CYP3A4: variants seen among roughly 807,000 people sequenced by gnomAD.
CYP3A4 encodes the protein cytochrome P450 family 3 subfamily A member 4.
A neutral mutation model predicts 54.9 loss-of-function variants in CYP3A4; 41 were observed. The ratio of observed to expected loss-of-function variants is 0.75; its 90% CI spans 0.58 to 0.97. The LOEUF (loss-of-function observed/expected upper bound fraction) is 0.97, where lower values mean the gene tolerates loss of function less well. CYP3A4 is among the 50% of genes least tolerant of loss of function. The probability of loss-of-function intolerance (pLI) is 0.00; values close to 1 mark genes in which losing one functional copy is unlikely to be tolerated. For missense variants in CYP3A4, 510 were observed against 597.3 expected, an observed-to-expected ratio of 0.85 and a Z score of 1.52; for synonymous variants, 179 against 205.2, an observed-to-expected ratio of 0.87 and a Z score of 1.09.
chr7:99,768,094 G>A lies in CYP3A4; in HGVS notation c.670+260C>T, dbSNP rs34853336. Among the ~76,000 whole-genome samples, 113 of 152,316 alleles carry A rather than the reference G, an allele frequency of 7.4e-4. 1 individual carries two copies. The highest frequency in any genetic ancestry group is 2.6e-3 in the African/African-American group (109 of 41,578). ...AGTGTCCAGAATAGGCAAATCCATA[G>A]AAGCAGAAAGTTGATTAGTGGTTGC... On this transcript the variant is annotated intron_variant, in intron 7 of 12. Coordinates refer to ENST00000651514, the MANE Select transcript of CYP3A4 (RefSeq NM_017460.6).
chr7:99,769,480 C>G (rs1584544587), intron 6 of CYP3A4: 1 of 407,782 alleles, frequency 2.5e-6, no homozygotes, highest in Non-Finnish European at 4.6e-6. Flanking sequence ...TACAATCACA[C>G]TTTTTCCCCC....
intron 11 of CYP3A4, 124 bp downstream of exon 11, chr7:99,761,917 C>G (rs1164919111): frequency 1.1e-6 from 1 of 926,180 alleles, no homozygotes; most frequent in Non-Finnish European, 1.7e-6. Context: ...TTAAAAAAAT[C>G]TCTAAATATA....
rs146568511 is a variant in CYP3A4 at position 99,780,029 on chromosome 7, G to A, written c.128C>T (p.Pro43Leu). The A allele has an allele frequency of 1.9e-5, 31 of 1,613,558 alleles. No individual in the cohort carries two copies. The highest frequency in any genetic ancestry group is 2.4e-5 in the Non-Finnish European group (28 of 1,179,716). Residue 43 changes from proline to leucine, a missense_variant, in exon 2 of 13, where the codon CCT becomes CTT. Pro to Leu is a moderately conservative substitution (Grantham distance 98, BLOSUM62 -3). Around this residue, in one of 2 missense-constraint regions of CYP3A4, gnomAD observed 272 missense variants for 274.9 expected, o/e 0.99. Coordinates refer to ENST00000651514, the MANE Select transcript of CYP3A4 (RefSeq NM_017460.6). ...FKKLGIPGPT[P>L]LPFLGNILSY... ...CAAAATATTTCCCAAAAAAGGCAGA[G>A]GTGTGGGCCCTGGAATTCCAAGCTT...
In CYP3A4 at chr7:99,784,130, T is replaced by C. The variant is rs1194183218; in HGVS notation, c.-49A>G. ...CTCCTCTGAGTCTTCCTTTCAGCTC[T>C]GTGTTGCTCTTTGCTGGGCTATGTG... On this transcript the variant is annotated 5_prime_UTR_variant, in exon 1 of 13. Transcript: ENST00000651514. 1 of 1,554,926 alleles carries C rather than the reference T, an allele frequency of 6.4e-7. No homozygotes were observed. Among genetic ancestry groups the C allele is most frequent in the South Asian group, 1.1e-5 (1 of 89,754 alleles).
rs1195991204 is a variant in CYP3A4 at position 99,757,172 on chromosome 7, C to T, written c.*961G>A. 2 of 152,106 alleles carry T rather than the reference C, an allele frequency of 1.3e-5. No homozygotes were observed. Among genetic ancestry groups the T allele is most frequent in the Non-Finnish European group, 2.9e-5 (2 of 68,004 alleles). The allele number at this position is 152,106 out of a possible 1,614,324, so 9.4% of individuals were successfully genotyped here. A position where few individuals can be genotyped will look rare whatever the true frequency, so the allele number is the denominator to read the frequency against. On this transcript the variant is annotated 3_prime_UTR_variant, in exon 13 of 13. Transcript: ENST00000651514. ...TCTTTGTTACAAAATGTACGTGCTT[C>T]AAAAAGGCATATTTTTTTAAGACTG...
At position 99,784,157 on chromosome 7, in the gene CYP3A4, A is replaced by G; in HGVS notation, c.-76T>C. The G allele has an allele frequency of 7.2e-7, 1 of 1,390,220 alleles. No individual in the cohort carries two copies. The highest frequency in any genetic ancestry group is 1.8e-4 in the Middle Eastern group (1 of 5,608). 86.1% of individuals were successfully genotyped at this position (1,390,220 alleles called of 1,614,324 possible). A position where few individuals can be genotyped will look rare whatever the true frequency, so the allele number is the denominator to read the frequency against. On this transcript the variant is annotated 5_prime_UTR_variant, in exon 1 of 13. An upstream start codon of the reference 5' UTR is lost. Transcript: ENST00000651514. ...TGTTGCTCTTTGCTGGGCTATGTGC[A>G]TGGAGCTTTCCTGCCCTGCACAGCA...
chr7:99,759,115 T>C (rs145202723), intron 12 of CYP3A4, among the ~76,000 whole-genome samples: 2 of 152,300 alleles, frequency 1.3e-5, no homozygotes, highest in African/African-American at 2.4e-5. Flanking sequence ...TGGGCACATA[T>C]AATACAGCTA....
chr7:99,779,696 A>G (rs1385037406), intron 2 of CYP3A4, among the ~76,000 whole-genome samples: 2 of 152,220 alleles, frequency 1.3e-5, no homozygotes, highest in African/African-American at 2.4e-5. Flanking sequence ...GAACCTGCAT[A>G]GAGCAAAAAG....
At chr7:99,783,887 G>T in intron 1 of CYP3A4, 124 bp downstream of exon 1, 1 of 1,129,534 alleles carries the variant, frequency 8.9e-7, no homozygotes, top group Admixed American at 1.7e-5. Context: ...GGGATTACAG[G>T]TGTAAGCCAC....
At chr7:99,781,239 C>T (rs1451113145) in intron 1 of CYP3A4, among the ~76,000 whole-genome samples, 1 of 152,178 alleles carries the variant, frequency 6.6e-6, no homozygotes, top group Non-Finnish European at 1.5e-5. Context: ...TGAGACCTCC[C>T]TAGAGGAAGA....
rs1355522141 is a variant in CYP3A4, at chr7:99,760,935, G to C, written c.1300C>G (p.Pro434Ala). The change falls in exon 12 of 13, where the codon CCC (proline) becomes GCC (alanine). Residue 434 changes from proline (P) to alanine (A), a missense_variant. This residue lies in a region of CYP3A4 where 238 missense variants were observed against 322.5 expected (regional missense o/e 0.74). Coordinates refer to ENST00000651514, the MANE Select transcript of CYP3A4 (RefSeq NM_017460.6). ...KDNIDPYIYTPFGSGPRNCIG... is the reference protein window; with the variant it reads ...KDNIDPYIYTAFGSGPRNCIG... ...CAGTTTCTGGGTCCACTTCCAAAGG[G>C]TGTGTATATGTAAGGATCTATGTTG... 2 of 1,613,962 alleles carry C rather than the reference G, an allele frequency of 1.2e-6. No homozygotes were observed. The highest frequency in any genetic ancestry group is 1.7e-6 in the Non-Finnish European group (2 of 1,179,974).
In CYP3A4 at chr7:99,770,229, C is replaced by G. The variant is rs777024826; in HGVS notation, c.325G>C (p.Gly109Arg). Residue 109 changes from glycine to arginine, a missense_variant, in exon 5 of 13, where the codon GGT becomes CGT. Coordinates refer to ENST00000651514, the MANE Select transcript of CYP3A4 (RefSeq NM_017460.6). The stretch of plus-strand genomic sequence containing the variant: ...GCACTTTTCATAAATCCCACTGGAC[C>G]AAAAGGCTAGAGTTCAAAGCAGAAA... ...YSVFTNRRPF[G>R]PVGFMKSAIS... 2.5e-6 allele frequency: 4 copies of G among 1,611,258 alleles called. No individual in the cohort carries two copies. In the African/African-American group the frequency reaches 5.3e-5, roughly 22 times the overall value.
At chr7:99,770,516 C>T (rs1202586665) in intron 4 of CYP3A4, among the ~76,000 whole-genome samples, 14 of 152,054 alleles carry the variant, frequency 9.2e-5, no homozygotes, top group East Asian at 7.7e-4. Context: ...GCAAATTATC[C>T]ACGTGGTAGA....
At chr7:99,766,677 G>T in intron 8 of CYP3A4, 1 of 553,528 alleles carries the variant, frequency 1.8e-6, no homozygotes. Context: ...TTTAACACAC[G>T]CTACACTTCA....
Position 99,784,060 on chromosome 7 carries a change from C to T in CYP3A4, c.22G>A (p.Ala8Thr). 1.9e-6 allele frequency: 3 copies of T among 1,614,006 alleles called. No individual in the cohort carries two copies. Among genetic ancestry groups the T allele is most frequent in the Non-Finnish European group, 2.5e-6 (3 of 1,179,920 alleles). ...GCCAGGAGAAGCCAGGTTTCCATGG[C>T]CAAGTCTGGGATGAGAGCCATCACT... MALIPDL[A>T]METWLLLAVS... is the part of the protein sequence containing the mutation. The change falls in exon 1 of 13, where the codon GCC becomes ACC. Residue 8 changes from alanine (A) to threonine (T), a missense_variant. Around this residue, in one of 2 missense-constraint regions of CYP3A4, gnomAD observed 272 missense variants for 274.9 expected, o/e 0.99. Transcript: ENST00000651514.
rs1478486627 is a variant in CYP3A4, at chr7:99,767,171, A to G, written c.758T>C (p.Val253Ala). The G allele has an allele frequency of 6.2e-7, 1 of 1,612,022 alleles. No individual in the cohort carries two copies. The highest frequency in any genetic ancestry group is 8.5e-7 in the Non-Finnish European group (1 of 1,179,040). The change falls in exon 8 of 13, where the codon GTA becomes GCA. Residue 253 changes from valine (V) to alanine (A), a missense_variant. Physicochemically the swap from Val to Ala is moderately conservative, Grantham distance 64. This residue lies in a region of CYP3A4 where 238 missense variants were observed against 322.5 expected (regional missense o/e 0.74). Coordinates refer to ENST00000651514, the MANE Select transcript of CYP3A4 (RefSeq NM_017460.6). ...GAGGCGACTTTCTTTCATCCTTTTT[A>G]CAGATTTTCTTAAAAAATTTGTAAC... Reference protein sequence around the residue: ...REVTNFLRKSVKRMKESRLED... With the variant: ...REVTNFLRKSAKRMKESRLED...
intron 1 of CYP3A4, among the ~76,000 whole-genome samples, chr7:99,781,298 C>A (rs1815918434): frequency 6.6e-6 from 1 of 152,168 alleles, no homozygotes; most frequent in Admixed American, 6.5e-5. Flanking sequence ...ACAATTAAAT[C>A]CCTTTTCTTT....
chr7:99,777,022 C>T (rs1257507041), intron 3 of CYP3A4, among the ~76,000 whole-genome samples: 1 of 152,116 alleles, frequency 6.6e-6, no homozygotes, highest in African/African-American at 2.4e-5. Flanking sequence ...AAGTTCCACA[C>T]TTGCAGATAA....
intron 9 of CYP3A4, among the ~76,000 whole-genome samples, chr7:99,765,688 T>A (rs1815461296): frequency 1.3e-5 from 2 of 152,184 alleles, no homozygotes; most frequent in Non-Finnish European, 1.5e-5. Flanking sequence ...TTGACCATGG[T>A]CATCATTTTG....
Sources: allele counts gnomAD v4.1 joint callset (sites outside exome capture counted in the v4.1 genomes callset), GRCh38; gene constraint gnomAD v4.1.1; regional missense constraint gnomAD v4.1.1; transcripts MANE v1.5; gene names NCBI Gene and HGNC (gene_info 2026-07-23, HGNC 2026-07-21).